Variants in PDE3A observed in about 807,000 individuals in gnomAD.
The protein encoded by PDE3A is phosphodiesterase 3A, also known as cGMP-inhibited 3',5'-cyclic phosphodiesterase 3A.
A neutral mutation model predicts 98.3 loss-of-function variants in PDE3A; 43 were observed. That is an observed-to-expected ratio of 0.44 (90% CI 0.34 to 0.56). The LOEUF (loss-of-function observed/expected upper bound fraction) is 0.56, where lower values mean the gene tolerates loss of function less well. Ranked by LOEUF, PDE3A falls within the 20% of genes least tolerant of loss-of-function variation. The pLI is 0.01. For synonymous variants in PDE3A, 663 were observed against 567.9 expected, an observed-to-expected ratio of 1.17 and a Z score of -2.38; for missense variants, 1,427 against 1,440.7, an observed-to-expected ratio of 0.99 and a Z score of 0.15.
intron 2 of PDE3A, among the ~76,000 whole-genome samples, chr12:20,605,309 A>C (rs1200828304): frequency 6.6e-6 from 1 of 152,214 alleles, no homozygotes; most frequent in Non-Finnish European, 1.5e-5. Flanking sequence ...CTCAGTGTAC[A>C]CTAGGCAATT....
intron 4 of PDE3A, among the ~76,000 whole-genome samples, chr12:20,617,336 A>G (rs760937485): frequency 1.3e-5 from 2 of 152,136 alleles, no homozygotes; most frequent in Non-Finnish European, 2.9e-5. Context: ...GGTTTCTTCC[A>G]TATTATTTGT....
intron 1 of PDE3A, among the ~76,000 whole-genome samples, chr12:20,380,394 G>T (rs1486310587): frequency 1.3e-5 from 2 of 151,748 alleles, no homozygotes; most frequent in Non-Finnish European, 2.9e-5. Flanking sequence ...AGCTTATAGG[G>T]TTTTATTGCA....
intron 1 of PDE3A, among the ~76,000 whole-genome samples, chr12:20,385,885 A>G (rs1374032984): frequency 6.9e-6 from 1 of 145,826 alleles, no homozygotes; most frequent in Non-Finnish European, 1.5e-5. Context: ...ACATGTATAC[A>G]TATGGAACAA....
At position 20,552,494 on chromosome 12, in the gene PDE3A, A is replaced by C; in HGVS notation, c.961-4166A>C. On this transcript the variant is annotated intron_variant, in intron 1 of 15. Transcript: ENST00000359062. The surrounding 1 kb of genome is among the most constrained non-coding windows in gnomAD (Gnocchi z 5.1). Reference sequence around the variant, plus strand: ...GCCCTGGCCAACCGAGAGCGAGAGAAGGAGAACAGCAAGAGGGAGGAGGAG... The same window carrying C: ...GCCCTGGCCAACCGAGAGCGAGAGACGGAGAACAGCAAGAGGGAGGAGGAG... 6.2e-7 allele frequency: 1 copy of C among 1,613,026 alleles called. No individual in the cohort carries two copies. The highest frequency in any genetic ancestry group is 8.5e-7 in the Non-Finnish European group (1 of 1,179,636).
intron 1 of PDE3A, among the ~76,000 whole-genome samples, chr12:20,424,286 A>C (rs920192749): frequency 6.6e-6 from 1 of 152,184 alleles, no homozygotes; most frequent in Non-Finnish European, 1.5e-5. Flanking sequence ...GACATGAGCT[A>C]GGAAAAAGCA....
intron 13 of PDE3A, 96 bp from the exon 14 acceptor site, chr12:20,650,349 T>C (rs1405749333): frequency 2.8e-6 from 2 of 710,140 alleles, no homozygotes; most frequent in Non-Finnish European, 4.6e-6. Context: ...GATCCCTATA[T>C]AATATGAAGA....
At chr12:20,607,750 T>G (rs1158132570) in intron 2 of PDE3A, among the ~76,000 whole-genome samples, 1 of 152,080 alleles carries the variant, frequency 6.6e-6, no homozygotes, top group Non-Finnish European at 1.5e-5. Context: ...TGTTTGATCA[T>G]CTGCACCATA....
intron 1 of PDE3A, chr12:20,551,846 G>A: frequency 5.0e-6 from 8 of 1,613,880 alleles, no homozygotes; most frequent in East Asian, 2.2e-5. Flanking sequence ...TGTGTGGGCC[G>A]CACCAAGGAA....
chr12:20,611,355 G>C (rs181921704), intron 2 of PDE3A, among the ~76,000 whole-genome samples: 1 of 151,856 alleles, frequency 6.6e-6, no homozygotes, highest in East Asian at 1.9e-4. Flanking sequence ...ATGGGTACTA[G>C]TATTAAATTA....
rs146020261 is a variant in PDE3A at position 20,493,691 on chromosome 12, C to T, written c.961-62969C>T. 1.0e-3 allele frequency among the ~76,000 whole-genome samples: 153 copies of T among 152,186 alleles called. 1 individual carries two copies. The highest frequency in any genetic ancestry group is 1.8e-3 in the Non-Finnish European group (120 of 68,000). ...TGTTGCCAAGGCTGCAGTACAATGG[C>T]GCAACCTAAGCTCACCGCAGCCTCC... is the stretch of plus-strand genomic sequence containing the variant. On this transcript the variant is annotated intron_variant, in intron 1 of 15. Coordinates refer to ENST00000359062, the MANE Select transcript of PDE3A (RefSeq NM_000921.5).
At position 20,368,629 on chromosome 12, in the gene PDE3A, A is replaced by C. The variant is rs559592583; in HGVS notation, c.-656A>C. ...CATTTTTTTTTTTCCATCCTTTGCC[A>C]TGAATTGGATTGACAGAGGCGGGGG... On this transcript the variant is annotated 5_prime_UTR_variant, in exon 1 of 16. The change abolishes an upstream ATG in the 5' untranslated region. Transcript: ENST00000359062. Among the ~76,000 whole-genome samples the C allele has an allele frequency of 1.3e-5, 2 of 149,902 alleles. No individual in the cohort carries two copies. The highest frequency in any genetic ancestry group is 4.2e-4 in the South Asian group (2 of 4,732).
chr12:20,678,463 G>A (rs1945693090), intron 15 of PDE3A, among the ~76,000 whole-genome samples: 4 of 152,066 alleles, frequency 2.6e-5, no homozygotes, highest in Admixed American at 2.6e-4. Flanking sequence ...CTTAAAGGAG[G>A]TATGCTAAGG....
chr12:20,466,767 G>A (rs1025994964), intron 1 of PDE3A, among the ~76,000 whole-genome samples: 1 of 152,122 alleles, frequency 6.6e-6, no homozygotes, highest in Non-Finnish European at 1.5e-5. Context: ...GATAGACGAA[G>A]TTTGAATTTT....
chr12:20,643,884 G>C (rs556827543), intron 10 of PDE3A, among the ~76,000 whole-genome samples: 2 of 151,894 alleles, frequency 1.3e-5, no homozygotes, highest in South Asian at 4.2e-4. Context: ...GCCTTGGGGT[G>C]GGGGACAGGG....
In PDE3A at chr12:20,646,790, T is replaced by C. The variant is rs990394585; in HGVS notation, c.2405T>C (p.Val802Ala). ...SGFTHGHMGY[V>A]FSKTYNVTDD... ...TTTACACATGGACATATGGGATATGTATTCTCAAAAACGTATAATGTGACA... is the reference window on the plus strand; with the variant it reads ...TTTACACATGGACATATGGGATATGCATTCTCAAAAACGTATAATGTGACA... Residue 802 changes from valine to alanine, a missense_variant, in exon 12 of 16, where the codon GTA (valine) becomes GCA (alanine). By Grantham distance (64) the Val-to-Ala change is moderately conservative. Coordinates refer to ENST00000359062, the MANE Select transcript of PDE3A (RefSeq NM_000921.5). The C allele has an allele frequency of 1.9e-6, 3 of 1,611,148 alleles. No individual in the cohort carries two copies. The East Asian group carries it at 6.7e-5, about 36-fold the overall frequency.
intron 1 of PDE3A, among the ~76,000 whole-genome samples, chr12:20,554,650 G>C (rs766021488): frequency 6.0e-5 from 9 of 151,226 alleles, no homozygotes; most frequent in Non-Finnish European, 1.3e-4. Flanking sequence ...GCAGCAGCGC[G>C]ATCTCAGCTC....
chr12:20,602,421 G>GTAGT (rs1170519363), intron 2 of PDE3A, among the ~76,000 whole-genome samples: 3 of 152,174 alleles, frequency 2.0e-5, no homozygotes, highest in African/African-American at 2.4e-5. Context: ...TGTCTGGAAA[G>GTAGT]TAGTTAGAAA....
intron 1 of PDE3A, among the ~76,000 whole-genome samples, chr12:20,397,151 A>C (rs1944034175): frequency 6.6e-6 from 1 of 152,130 alleles, no homozygotes; most frequent in Non-Finnish European, 1.5e-5. Flanking sequence ...GTATGTTTGT[A>C]AGTACATTTA....
At chr12:20,399,437 A>G (rs1259564586) in intron 1 of PDE3A, among the ~76,000 whole-genome samples, 3 of 152,310 alleles carry the variant, frequency 2.0e-5, no homozygotes, top group Admixed American at 6.5e-5. Flanking sequence ...ATCCTAATCA[A>G]TCAGCTCCTC....
Sources: allele counts gnomAD v4.1 joint callset (sites outside exome capture counted in the v4.1 genomes callset), GRCh38; gene constraint gnomAD v4.1.1; non-coding constraint Gnocchi (gnomAD v3.1); transcripts MANE v1.5; gene names NCBI Gene and HGNC (gene_info 2026-07-23, HGNC 2026-07-21).